The following FMN1 variants were observed in gnomAD, a reference collection of about 807,000 sequenced individuals.
FMN1 encodes the protein formin 1.
In FMN1, 110 loss-of-function variants were observed where a neutral mutation model predicts 132.4. That is an observed-to-expected ratio of 0.83 (90% CI 0.71 to 0.97). The LOEUF is 0.97. Among genes scored for constraint, FMN1 ranks in the 50% least tolerant of loss-of-function variants. The pLI is 0.00. For synonymous variants in FMN1, 722 were observed against 651.7 expected (o/e 1.11, Z -1.64); for missense variants, 1,792 against 1,705.3 (o/e 1.05, Z -0.90).
At chr15:32,828,662 T>C (rs1267236751) in intron 17 of FMN1, among the ~76,000 whole-genome samples, 2 of 152,226 alleles carry the variant, frequency 1.3e-5, no homozygotes, top group Non-Finnish European at 2.9e-5. Flanking sequence ...GGATGAAAGA[T>C]AAACATTTGC....
chr15:33,149,359 T>A (rs887643868), intron 4 of FMN1, among the ~76,000 whole-genome samples: 1 of 152,232 alleles, frequency 6.6e-6, no homozygotes, highest in Non-Finnish European at 1.5e-5. Flanking sequence ...TCTAGATCAG[T>A]ACTCTGAACA....
At chr15:33,085,762 T>C (rs2038665869) in intron 5 of FMN1, among the ~76,000 whole-genome samples, 4 of 152,148 alleles carry the variant, frequency 2.6e-5, no homozygotes, top group Non-Finnish European at 1.5e-5. Flanking sequence ...ATAGGAAAAA[T>C]TGTATTTGTA....
At position 33,153,377 on chromosome 15, in the gene FMN1, G is replaced by A; in HGVS notation, c.1538C>T (p.Thr513Ile). The change falls in exon 4 of 21, where the codon ACA becomes ATA. Residue 513 changes from threonine to isoleucine, a missense_variant. By Grantham distance (89) the Thr-to-Ile change is moderately conservative. Transcript: ENST00000616417. ...GGGAACAGGTGACGTCTGTTTGTGT[G>A]TGCTGGACTGCGAGGCTGAATTATT... ...VFNNSASQSS[T>I]HKQTSPVPSP... 2 of 1,536,578 alleles carry A rather than the reference G, an allele frequency of 1.3e-6. No homozygotes were observed. The highest frequency in any genetic ancestry group is 1.7e-6 in the Non-Finnish European group (2 of 1,146,980).
At chr15:33,126,636 G>GTTAAGTTGCAAATCCTGGCAGCAT (rs1169505200) in intron 4 of FMN1, among the ~76,000 whole-genome samples, 1 of 85,624 alleles carries the variant, frequency 1.2e-5, no homozygotes, top group East Asian at 8.8e-4. Context: ...GGGCGGAAGT[G>GTTAAGTTGCAAATCCTGGCAGCAT]TTAAGTTGCA....
At chr15:33,072,851 A>T (rs1444479449) in intron 5 of FMN1, among the ~76,000 whole-genome samples, 1 of 149,362 alleles carries the variant, frequency 6.7e-6, no homozygotes, top group Non-Finnish European at 1.5e-5. Flanking sequence ...TGAACCCATG[A>T]GGTGGAGGCT....
At chr15:33,119,886 T>C (rs771492306) in intron 4 of FMN1, among the ~76,000 whole-genome samples, 1 of 152,196 alleles carries the variant, frequency 6.6e-6, no homozygotes, top group African/African-American at 2.4e-5. Flanking sequence ...AAAATCACTG[T>C]ATAATTATCT....
intron 6 of FMN1, among the ~76,000 whole-genome samples, chr15:33,044,128 G>A (rs2036570077): frequency 6.6e-6 from 1 of 152,232 alleles, no homozygotes; most frequent in African/African-American, 2.4e-5. Flanking sequence ...CCAGCCCCCT[G>A]GGGCCTTGGT....
chr15:32,978,747 C>A (rs1460991318), intron 7 of FMN1, among the ~76,000 whole-genome samples: 1 of 152,194 alleles, frequency 6.6e-6, no homozygotes, highest in Non-Finnish European at 1.5e-5. Context: ...AGATGCCTCA[C>A]ACACTTGTCT....
Position 32,805,770 on chromosome 15 carries a change from A to C in FMN1, c.3929-1438T>G, listed in dbSNP as rs115660083. On this transcript the variant is annotated intron_variant, in intron 17 of 20. Transcript: ENST00000616417. ...TTATAAATCCAGTAGCATTTGCAGCAGTGCTGCTCAGAGTCATGGGAATCT... is the reference window on the plus strand; with the variant it reads ...TTATAAATCCAGTAGCATTTGCAGCCGTGCTGCTCAGAGTCATGGGAATCT... Among the ~76,000 whole-genome samples the C allele has an allele frequency of 1.4e-3, 205 of 151,618 alleles. 1 individual carries two copies. In the South Asian group the frequency reaches 0.021, roughly 16 times the overall value.
At chr15:33,067,500 C>T (rs1346323260) in intron 5 of FMN1, 1 of 1,613,900 alleles carries the variant, frequency 6.2e-7, no homozygotes, top group African/African-American at 1.3e-5. Flanking sequence ...TCTTTTGTCC[C>T]TTTCAAAGTA....
chr15:33,045,823 G>GA lies in FMN1; in HGVS notation c.2161+19133dup, dbSNP rs967691818. Among the ~76,000 whole-genome samples the GA allele has an allele frequency of 3.2e-4, 49 of 151,948 alleles. 2 individuals are homozygous for GA. Among genetic ancestry groups the GA allele is most frequent in the East Asian group, 1.7e-3 (9 of 5,164 alleles). ...TCATTTTTCGTGCACATGTAGGTAG[G>GA]AAAAAAAATCATTGGCTAAATTAAT... On this transcript the variant is annotated intron_variant, in intron 6 of 20. Coordinates refer to ENST00000616417, the MANE Select transcript of FMN1 (RefSeq NM_001277313.2).
intron 15 of FMN1, among the ~76,000 whole-genome samples, chr15:32,898,518 A>C (rs988601791): frequency 1.2e-4 from 19 of 152,174 alleles, no homozygotes; most frequent in African/African-American, 4.3e-4. Flanking sequence ...TTTCAATTAT[A>C]ACCAATTACT....
chr15:33,053,760 G>A (rs554430470), intron 6 of FMN1, among the ~76,000 whole-genome samples: 1 of 152,302 alleles, frequency 6.6e-6, no homozygotes, highest in African/African-American at 2.4e-5. Flanking sequence ...GTGAAGTCCA[G>A]AAGGGTCTCC....
chr15:32,869,619 T>C (rs1001511063), intron 16 of FMN1, among the ~76,000 whole-genome samples: 8 of 152,252 alleles, frequency 5.3e-5, no homozygotes, highest in South Asian at 2.1e-4. Flanking sequence ...TAGCAAAATA[T>C]GAATTGCCAT....
intron 9 of FMN1, among the ~76,000 whole-genome samples, chr15:32,951,741 T>C (rs567735642): frequency 2.6e-4 from 39 of 152,336 alleles, no homozygotes; most frequent in African/African-American, 9.1e-4. Flanking sequence ...ACATTAATAT[T>C]ACTCTTTCTT....
In FMN1 at chr15:32,888,279, T is replaced by G; in HGVS notation, c.3728A>C (p.Glu1243Ala). 1 of 1,612,074 alleles carries G rather than the reference T, an allele frequency of 6.2e-7. No individual in the cohort carries two copies. Among genetic ancestry groups the G allele is most frequent in the Non-Finnish European group, 8.5e-7 (1 of 1,179,262 alleles). Residue 1243 changes from glutamate (E) to alanine (A), a missense_variant, in exon 16 of 21, where the codon GAA becomes GCA. Around this residue, in one of 3 missense-constraint regions of FMN1, gnomAD observed 1,150 missense variants for 1,043.1 expected, o/e 1.10. Coordinates refer to ENST00000616417, the MANE Select transcript of FMN1 (RefSeq NM_001277313.2). Reference protein sequence around the residue: ...LRYYDQEAGTEKSVFPLPEPQ... With the variant: ...LRYYDQEAGTAKSVFPLPEPQ... ...TTCCGGCAAGGGGAAAACACTCTTT[T>G]CTGTTCCAGCTTCCTAAGAGATATG...
At chr15:33,187,719 C>A (rs1374880352) in intron 2 of FMN1, among the ~76,000 whole-genome samples, 1 of 152,150 alleles carries the variant, frequency 6.6e-6, no homozygotes, top group Non-Finnish European at 1.5e-5. Context: ...TGCCGTGGCA[C>A]TGTCAGTCCC....
At chr15:33,094,821 TAC>T (rs1022112026) in intron 4 of FMN1, among the ~76,000 whole-genome samples, 3 of 152,194 alleles carry the variant, frequency 2.0e-5, no homozygotes, top group African/African-American at 7.2e-5. Context: ...TGGCCATAGT[TAC>T]ACTGGATATT....
At chr15:32,805,248 CTGATGACCAGTGA>C (rs1358145915) in intron 17 of FMN1, among the ~76,000 whole-genome samples, 4 of 152,230 alleles carry the variant, frequency 2.6e-5, no homozygotes, top group Non-Finnish European at 5.9e-5. Context: ...TTGCATTTCT[CTGATGACCAGTGA>C]TGATGAGCAT....
Sources: gnomAD v4.1 joint callset for allele counts (sites outside exome capture counted in the v4.1 genomes callset) on GRCh38, gnomAD v4.1.1 for gene constraint, gnomAD v4.1.1 regional missense constraint, MANE v1.5 for transcripts, NCBI Gene and HGNC (gene_info 2026-07-23, HGNC 2026-07-21) for gene names.